HEXD: variants seen among roughly 807,000 people sequenced by gnomAD.
HEXD encodes N-acetyl-beta-galactosaminidase.
HEXD carries 47 observed loss-of-function variants against 54.2 expected under a neutral mutation model. The ratio of observed to expected loss-of-function variants is 0.87; its 90% confidence interval spans 0.69 to 1.11. The LOEUF is 1.11. HEXD is among the 50% of genes least tolerant of loss of function. The probability of loss-of-function intolerance (pLI) is 0.00; values close to 1 mark genes in which losing one functional copy is unlikely to be tolerated. For missense variants in HEXD, 576 were observed against 649.2 expected, an observed-to-expected ratio of 0.89 and a Z score of 1.23; for synonymous variants, 293 against 287.6, an observed-to-expected ratio of 1.02 and a Z score of -0.19.
chr17:82,440,619 T>G, intron 9 of HEXD: 1 of 326,460 alleles, frequency 3.1e-6, no homozygotes, highest in African/African-American at 2.2e-5. Flanking sequence ...CATGGGTTTG[T>G]TTCGGGTGCT....
At position 82,441,690 on chromosome 17, in the gene HEXD, T is replaced by TA. The variant is rs1426935188; in HGVS notation, c.1164-108dup. On this transcript the variant is annotated intron_variant, in intron 11 of 12. Coordinates refer to ENST00000327949, the MANE Select transcript of HEXD (RefSeq NM_001330542.2). ...CTTCACAAAGACTTTCTGGGGGACA[T>TA]AAGACTTAGAAATGTCAACCCCATT... 8.1e-6 allele frequency: 7 copies of TA among 868,740 alleles called. No individual in the cohort carries two copies. In the African/African-American group the frequency reaches 9.8e-5, roughly 12 times the overall value. The allele number at this position is 868,740 out of a possible 1,614,324, so 53.8% of individuals were successfully genotyped here.
intron 8 of HEXD, 28 bp downstream of exon 8, chr17:82,437,391 G>C (rs2053801028): frequency 6.4e-7 from 1 of 1,551,708 alleles, no homozygotes; most frequent in Non-Finnish European, 8.7e-7. Context: ...TGTCCTCAGA[G>C]GGTCCAGGGC....
chr17:82,441,670 CAA>C, intron 11 of HEXD, 128 bp from the exon 12 acceptor site: 1 of 794,180 alleles, frequency 1.3e-6, no homozygotes, highest in East Asian at 2.5e-5. Flanking sequence ...TCATCCTTCA[CAA>C]AGACTTTCTG....
rs578171594 is a variant in HEXD at position 82,431,179 on chromosome 17, T to A, written c.283-2479T>A. Among the ~76,000 whole-genome samples the A allele has an allele frequency of 4.0e-4, 60 of 151,856 alleles. No homozygotes were observed. In the Middle Eastern group the frequency reaches 0.014, roughly 34 times the overall value. On this transcript the variant is annotated intron_variant, in intron 4 of 12. Transcript: ENST00000327949. ...CACCATACCCGGCCAGTTTTTTTTA[T>A]TATTTGCAGATACCAGGTCCCACTA...
At chr17:82,435,290 C>G (rs531352024) in intron 5 of HEXD, among the ~76,000 whole-genome samples, 1 of 152,094 alleles carries the variant, frequency 6.6e-6, no homozygotes, top group African/African-American at 2.4e-5. Context: ...ATTTGCCCGT[C>G]TGGGCATTCC....
intron 2 of HEXD, 63 bp downstream of exon 2, chr17:82,419,946 T>G: frequency 9.0e-7 from 1 of 1,114,030 alleles, no homozygotes; most frequent in Non-Finnish European, 1.3e-6. Context: ...TTTAAAGTTT[T>G]GAGCAGTGTT....
rs904937051 is a variant in HEXD at position 82,419,730 on chromosome 17, T to C, written c.-51-19T>C. 1.0e-6 allele frequency: 1 copy of C among 965,034 alleles called. No individual in the cohort carries two copies. The highest frequency in any genetic ancestry group is 2.5e-5 in the East Asian group (1 of 39,558). 59.8% of individuals were successfully genotyped at this position (965,034 alleles called of 1,614,324 possible). Reference sequence around the variant, plus strand: ...AGAAGCTTCTGCCCCTGTTGATAACTCTTGATTTTCTCCACTAGGAAGAAG... The same window carrying C: ...AGAAGCTTCTGCCCCTGTTGATAACCCTTGATTTTCTCCACTAGGAAGAAG... On this transcript the variant is annotated intron_variant, in intron 1 of 12. Transcript: ENST00000327949.
intron 2 of HEXD, chr17:82,423,523 AAAAG>A (rs1292581398): frequency 6.6e-6 from 1 of 152,156 alleles, no homozygotes; most frequent in Non-Finnish European, 1.5e-5. Flanking sequence ...TCTGTTAAAA[AAAAG>A]AGAGAGGCCG....
intron 3 of HEXD, among the ~76,000 whole-genome samples, chr17:82,427,795 C>T (rs1599730007): frequency 6.6e-6 from 1 of 152,220 alleles, no homozygotes; most frequent in East Asian, 1.9e-4. Flanking sequence ...TAGATAAATT[C>T]ATAAATGACA....
chr17:82,433,131 T>TTA (rs2053656610), intron 4 of HEXD, among the ~76,000 whole-genome samples: 1 of 28,616 alleles, frequency 3.5e-5, no homozygotes, highest in Non-Finnish European at 5.2e-5. Flanking sequence ...TATATATATT[T>TTA]TTTTTTTTTT....
chr17:82,428,177 G>C (rs1400600683), intron 3 of HEXD: 1 of 163,218 alleles, frequency 6.1e-6, no homozygotes, highest in East Asian at 1.8e-4. Flanking sequence ...TAGATACGGG[G>C]TTTCATCATG....
At chr17:82,425,563 C>T (rs565943867) in intron 3 of HEXD, 1 of 152,512 alleles carries the variant, frequency 6.6e-6, no homozygotes, top group Non-Finnish European at 1.5e-5. Context: ...CTGCTTAATG[C>T]TAAAATCACA....
chr17:82,441,782 T>G lies in HEXD; in HGVS notation c.1164-18T>G. Reference sequence around the variant, plus strand: ...GCCTTGGTAGCCCGCGGCACACCCCTATGTGGATTTGCCCCAGGTATGTCA... The same window carrying G: ...GCCTTGGTAGCCCGCGGCACACCCCGATGTGGATTTGCCCCAGGTATGTCA... On this transcript the variant is annotated intron_variant, in intron 11 of 12. Transcript: ENST00000327949. 6.2e-7 allele frequency: 1 copy of G among 1,609,092 alleles called. No homozygotes were observed. The highest frequency in any genetic ancestry group is 8.5e-7 in the Non-Finnish European group (1 of 1,176,292).
rs2054024963 is a variant in HEXD at position 82,442,485 on chromosome 17, G to A, written c.*101G>A. On this transcript the variant is annotated 3_prime_UTR_variant, in exon 13 of 13. Coordinates refer to ENST00000327949, the MANE Select transcript of HEXD (RefSeq NM_001330542.2). This position sits in a 1 kb window ranked among gnomAD's most constrained non-coding sequence, Gnocchi z 6.8. ...GGCCCACGTGGGCGTCGTGCCCTCT[G>A]GCCCAGCAGTGTCTTGCCCACACTC... is the stretch of plus-strand genomic sequence containing the variant. The A allele has an allele frequency of 1.9e-6, 3 of 1,603,622 alleles. No homozygotes were observed. Among genetic ancestry groups the A allele is most frequent in the Non-Finnish European group, 2.6e-6 (3 of 1,172,178 alleles).
At chr17:82,440,290 AGCGGGACCCGCAGGC>A (rs2053894388) in intron 9 of HEXD, 1 of 1,276,108 alleles carries the variant, frequency 7.8e-7, no homozygotes, top group African/African-American at 1.5e-5. Context: ...ACGCGCGGAG[AGCGGGACCCGCAGGC>A]GCGGCGGCCC....
intron 2 of HEXD, among the ~76,000 whole-genome samples, chr17:82,424,149 C>G: frequency 6.6e-6 from 1 of 152,212 alleles, no homozygotes; most frequent in Non-Finnish European, 1.5e-5. Flanking sequence ...GAGCCACCAG[C>G]GCGTTGAGTA....
At chr17:82,428,247 A>G in intron 3 of HEXD, 1 of 204,970 alleles carries the variant, frequency 4.9e-6, no homozygotes, top group South Asian at 8.6e-5. Flanking sequence ...GGACTCCCAA[A>G]GTGCTGAGAT....
chr17:82,419,529 CT>C, intron 1 of HEXD, among the ~76,000 whole-genome samples: 1 of 152,300 alleles, frequency 6.6e-6, no homozygotes, highest in African/African-American at 2.4e-5. Flanking sequence ...TATAAACAAA[CT>C]AGTGCTGTTT....
intron 1 of HEXD, 144 bp downstream of exon 1, chr17:82,418,884 C>G (rs1030712556): frequency 4.6e-5 from 7 of 152,190 alleles, no homozygotes; most frequent in African/African-American, 1.7e-4. Flanking sequence ...AGCGGCGATG[C>G]GGGGCTGCTG....
Sources: gnomAD v4.1 joint callset for allele counts (sites outside exome capture counted in the v4.1 genomes callset) on GRCh38, gnomAD v4.1.1 for gene constraint, Gnocchi (gnomAD v3.1) non-coding constraint, MANE v1.5 for transcripts, NCBI Gene and HGNC (gene_info 2026-07-23, HGNC 2026-07-21) for gene names.